DNAJC12: variants seen among roughly 807,000 people sequenced by gnomAD.
DNAJC12 encodes dnaJ homolog subfamily C member 12.
A neutral mutation model predicts 28.5 loss-of-function variants in DNAJC12; 25 were observed. The observed-to-expected ratio is 0.88, with a 90% CI of 0.64 to 1.22. DNAJC12 has a LOEUF of 1.22. Ranked by LOEUF, DNAJC12 falls within the 50% of genes most tolerant of loss-of-function variation. The probability of loss-of-function intolerance (pLI) is 0.00; values close to 1 mark genes in which losing one functional copy is unlikely to be tolerated. For missense variants in DNAJC12, 222 were observed against 231.7 expected (o/e 0.96, Z 0.27); for synonymous variants, 77 against 80.6 (o/e 0.95, Z 0.24).
At chr10:67,797,250 G>A (rs749001746) in intron 4 of DNAJC12, 40 bp from the exon 5 acceptor site, 12 of 1,558,116 alleles carry the variant, frequency 7.7e-6, no homozygotes, top group Non-Finnish European at 1.1e-5. Context: ...ATCAGAAGTA[G>A]GAAAAGTCGA....
Position 67,797,023 on chromosome 10 carries a change from T to C in DNAJC12, c.*93A>G. The stretch of plus-strand genomic sequence containing the variant: ...TACTCAGCAATTCACAGACATGACA[T>C]AAACATGACATTTTTAAGACATAAA... On this transcript the variant is annotated 3_prime_UTR_variant, in exon 5 of 5. Transcript: ENST00000225171. 1 of 950,320 alleles carries C rather than the reference T, an allele frequency of 1.1e-6. No individual in the cohort carries two copies. Among genetic ancestry groups the C allele is most frequent in the South Asian group, 1.7e-5 (1 of 57,992 alleles). The allele number at this position is 950,320 out of a possible 1,614,324, so 58.9% of individuals were successfully genotyped here.
intron 1 of DNAJC12, among the ~76,000 whole-genome samples, chr10:67,830,610 A>AAAAT (rs71006172): frequency 0.14 from 20,433 of 144,712 alleles, 1,486 homozygotes; most frequent in African/African-American, 0.17. Flanking sequence ...TCCGTCTCAA[A>AAAAT]AAATAAATAA....
intron 1 of DNAJC12, among the ~76,000 whole-genome samples, chr10:67,831,384 C>T (rs1463029152): frequency 6.6e-6 from 1 of 152,050 alleles, no homozygotes; most frequent in African/African-American, 2.4e-5. Context: ...AATTTTAGAA[C>T]TTAAATTTTA....
chr10:67,810,935 A>G (rs1245614282), intron 3 of DNAJC12: 1 of 152,268 alleles, frequency 6.6e-6, no homozygotes, highest in Non-Finnish European at 1.5e-5. Context: ...TCTATAATAT[A>G]TAAAGGTCAA....
intron 3 of DNAJC12, 126 bp downstream of exon 3, chr10:67,811,398 C>T: frequency 1.3e-6 from 2 of 1,520,424 alleles, no homozygotes; most frequent in South Asian, 2.7e-5. Flanking sequence ...GAATTATATC[C>T]AGACTCTGCT....
At chr10:67,834,701 C>T (rs1165177327) in intron 1 of DNAJC12, among the ~76,000 whole-genome samples, 3 of 152,254 alleles carry the variant, frequency 2.0e-5, no homozygotes, top group East Asian at 3.9e-4. Flanking sequence ...GTGGCATGCA[C>T]GTATAATCCC....
intron 2 of DNAJC12, among the ~76,000 whole-genome samples, chr10:67,823,023 T>C (rs1342364766): frequency 6.6e-6 from 1 of 151,220 alleles, no homozygotes; most frequent in African/African-American, 2.4e-5. Context: ...TGGTTACAAA[T>C]ATACTTAAGT....
chr10:67,814,476 C>A (rs1042765280), intron 2 of DNAJC12, among the ~76,000 whole-genome samples: 1 of 151,088 alleles, frequency 6.6e-6, no homozygotes, highest in Admixed American at 6.6e-5. Context: ...AGATATGACA[C>A]CAAAAGCACA....
chr10:67,817,840 TGCACTCCAGTTCGG>T (rs1439351155), intron 2 of DNAJC12, among the ~76,000 whole-genome samples: 1 of 152,006 alleles, frequency 6.6e-6, no homozygotes, highest in Non-Finnish European at 1.5e-5. Context: ...ATTGTGCCAC[TGCACTCCAGTTCGG>T]GCGATAGAGC....
chr10:67,838,029 T>C lies in DNAJC12; in HGVS notation c.-18A>G, dbSNP rs1412943614. Reference sequence around the variant, plus strand: ...GCATCCATTTAGATGACTTAATCAGTCCTTCTTCCCTCGGAAACAAGAGGC... The same window carrying C: ...GCATCCATTTAGATGACTTAATCAGCCCTTCTTCCCTCGGAAACAAGAGGC... On this transcript the variant is annotated 5_prime_UTR_variant, in exon 1 of 5. Coordinates refer to ENST00000225171, the MANE Select transcript of DNAJC12 (RefSeq NM_021800.3). 2 of 1,557,112 alleles carry C rather than the reference T, an allele frequency of 1.3e-6. No individual in the cohort carries two copies. Among genetic ancestry groups the C allele is most frequent in the East Asian group, 4.5e-5 (2 of 44,034 alleles).
At chr10:67,798,562 G>A (rs1360610844) in intron 4 of DNAJC12, among the ~76,000 whole-genome samples, 2 of 151,838 alleles carry the variant, frequency 1.3e-5, no homozygotes, top group Non-Finnish European at 2.9e-5. Context: ...TGTGCCCGTG[G>A]TCCCAGCTAC....
chr10:67,806,594 T>A (rs1841803191), intron 3 of DNAJC12, among the ~76,000 whole-genome samples: 1 of 151,944 alleles, frequency 6.6e-6, no homozygotes, highest in Non-Finnish European at 1.5e-5. Context: ...GAAGCCAAGG[T>A]GGGTGGATCA....
chr10:67,815,731 C>A (rs916846172), intron 2 of DNAJC12, among the ~76,000 whole-genome samples: 3 of 152,110 alleles, frequency 2.0e-5, no homozygotes, highest in South Asian at 2.1e-4. Context: ...GATGCACATG[C>A]CAGTTGCTAC....
chr10:67,824,254 A>T (rs1842008719), intron 1 of DNAJC12, among the ~76,000 whole-genome samples: 1 of 140,476 alleles, frequency 7.1e-6, no homozygotes, highest in African/African-American at 2.6e-5. Context: ...AAAAAAAAAA[A>T]TATTTAAATA....
chr10:67,801,753 G>A, intron 4 of DNAJC12, among the ~76,000 whole-genome samples: 1 of 137,024 alleles, frequency 7.3e-6, no homozygotes. Context: ...CAGTGCCACT[G>A]CACTCCAGCC....
At position 67,811,616 on chromosome 10, in the gene DNAJC12, C is replaced by G. The variant is rs767044001; in HGVS notation, c.205G>C (p.Glu69Gln). ...LQKAKEILTN[E>Q]ESRARYDHWR... is the part of the protein sequence containing the mutation. ...TGGTCATAGCGGGCTCGACTCTCTT[C>G]ATTGGTCAGAATCTCCTTTGCCTTC... The change falls in exon 3 of 5, where the codon GAA becomes CAA. Residue 69 changes from glutamate (E) to glutamine (Q), a missense_variant. Physicochemically the swap from Glu to Gln is conservative, Grantham distance 29. Coordinates refer to ENST00000225171, the MANE Select transcript of DNAJC12 (RefSeq NM_021800.3). 7 of 1,614,092 alleles carry G rather than the reference C, an allele frequency of 4.3e-6. No individual in the cohort carries two copies. In the Admixed American group the frequency reaches 1.2e-4, roughly 27 times the overall value.
intron 1 of DNAJC12, among the ~76,000 whole-genome samples, chr10:67,833,358 A>G (rs1034079334): frequency 6.6e-6 from 1 of 152,076 alleles, no homozygotes; most frequent in Non-Finnish European, 1.5e-5. Flanking sequence ...AGCCTAAAAT[A>G]TTTGCTATGC....
intron 2 of DNAJC12, among the ~76,000 whole-genome samples, chr10:67,820,155 G>C (rs1286149012): frequency 6.6e-6 from 1 of 152,194 alleles, no homozygotes; most frequent in African/African-American, 2.4e-5. Context: ...GAGGGCTGGA[G>C]TGTAGAAAGA....
chr10:67,826,571 A>G (rs1842032360), intron 1 of DNAJC12, among the ~76,000 whole-genome samples: 1 of 140,248 alleles, frequency 7.1e-6, no homozygotes. Flanking sequence ...AATAATATAT[A>G]TAATATATAT....
Sources: gnomAD v4.1 joint callset for allele counts (sites outside exome capture counted in the v4.1 genomes callset) on GRCh38, gnomAD v4.1.1 for gene constraint, MANE v1.5 for transcripts, NCBI Gene and HGNC (gene_info 2026-07-23, HGNC 2026-07-21) for gene names.